The following FANCA variants were observed in gnomAD, a reference collection of about 807,000 sequenced individuals.
The protein encoded by FANCA is FA complementation group A, also known as Fanconi anemia group A protein.
A neutral mutation model predicts 194.3 loss-of-function variants in FANCA; 236 were observed. The ratio of observed to expected loss-of-function variants is 1.21; its 90% CI spans 1.09 to 1.35. The LOEUF is 1.35. Among genes scored for constraint, FANCA ranks in the 40% most tolerant of loss-of-function variants. The pLI is 0.00. For missense variants in FANCA, 2,628 were observed against 1,813.9 expected, an observed-to-expected ratio of 1.45 and a Z score of -8.15; for synonymous variants, 1,014 against 715.8, an observed-to-expected ratio of 1.42 and a Z score of -6.65.
chr16:89,746,806 G>A (rs1291808691), intron 34 of FANCA, 25 bp downstream of exon 34: 20 of 1,571,174 alleles, frequency 1.3e-5, no homozygotes, highest in African/African-American at 4.1e-5. Flanking sequence ...AGAAGGCCAC[G>A]AGAGGGGCTG....
chr16:89,791,348 T>G, intron 14 of FANCA, 55 bp downstream of exon 14: 6 of 1,600,986 alleles, frequency 3.7e-6, no homozygotes, highest in Non-Finnish European at 5.1e-6. Context: ...TGGTCCCCAC[T>G]CCCAGGCCTT....
At chr16:89,774,942 A>T (rs1002424278) in intron 21 of FANCA, among the ~76,000 whole-genome samples, 1 of 151,672 alleles carries the variant, frequency 6.6e-6, no homozygotes, top group Non-Finnish European at 1.5e-5. Context: ...AAAAATACAA[A>T]AACTAGCAAG....
At chr16:89,741,426 T>G (rs960496577) in intron 37 of FANCA, among the ~76,000 whole-genome samples, 2 of 152,244 alleles carry the variant, frequency 1.3e-5, no homozygotes, top group Non-Finnish European at 2.9e-5. Context: ...CGATCCAGCT[T>G]TGAGCTGGTG....
chr16:89,766,265 G>A (rs1252162956), intron 27 of FANCA, among the ~76,000 whole-genome samples: 2 of 151,914 alleles, frequency 1.3e-5, no homozygotes, highest in Non-Finnish European at 2.9e-5. Flanking sequence ...AAAGTGTTGG[G>A]ATTACAGGCA....
At chr16:89,782,639 C>T (rs1481190021) in intron 17 of FANCA, among the ~76,000 whole-genome samples, 2 of 152,198 alleles carry the variant, frequency 1.3e-5, no homozygotes, top group African/African-American at 4.8e-5. Flanking sequence ...AGGCACTTCA[C>T]TCTGCCACAC....
At chr16:89,739,646 G>A in intron 39 of FANCA, 93 bp from the exon 40 acceptor site, 1 of 1,511,770 alleles carries the variant, frequency 6.6e-7, no homozygotes. Flanking sequence ...GTGTACCCTG[G>A]GAGGCCTGGC....
Position 89,815,937 on chromosome 16 carries a change from T to G in FANCA, c.129A>C (p.Leu43Phe). ...EKYNPERAQK[L>F]KESAVRLLRS... is the part of the protein sequence containing the mutation. ...GCAGGAGGCGCACAGCTGATTCCTTTAATTTCTGTGCCCTTTCAGGATTAT... is the reference window on the plus strand; with the variant it reads ...GCAGGAGGCGCACAGCTGATTCCTTGAATTTCTGTGCCCTTTCAGGATTAT... The change falls in exon 2 of 43, where the codon TTA becomes TTC. Residue 43 changes from leucine (L) to phenylalanine (F), a missense_variant. Physicochemically the swap from Leu to Phe is conservative, Grantham distance 22. Coordinates refer to ENST00000389301, the MANE Select transcript of FANCA (RefSeq NM_000135.4). The G allele has an allele frequency of 6.2e-7, 1 of 1,614,162 alleles. No individual in the cohort carries two copies. Among genetic ancestry groups the G allele is most frequent in the Non-Finnish European group, 8.5e-7 (1 of 1,179,984 alleles).
In FANCA at chr16:89,742,925, C is replaced by T; in HGVS notation, c.3640G>A (p.Glu1214Lys). ...GGGTTGGGTGCTGGGGAGGCAGCCT[C>T]AGGGGAGAGGAAACTGGGACAGAGA... is the stretch of plus-strand genomic sequence containing the variant. ...RQFASDFLSP[E>K]AASPAPNPDW... The change falls in exon 37 of 43, where the codon GAG becomes AAG. Residue 1214 changes from glutamate to lysine, a missense_variant. Transcript: ENST00000389301. 6.2e-7 allele frequency: 1 copy of T among 1,614,034 alleles called. No individual in the cohort carries two copies. The highest frequency in any genetic ancestry group is 8.5e-7 in the Non-Finnish European group (1 of 1,179,964).
intron 6 of FANCA, among the ~76,000 whole-genome samples, 162 bp downstream of exon 6, chr16:89,808,132 C>T (rs771413025): frequency 3.9e-5 from 6 of 152,118 alleles, no homozygotes; most frequent in Non-Finnish European, 8.8e-5. Flanking sequence ...AGCAATAGTT[C>T]CTCCAGGTCT....
chr16:89,797,023 G>A (rs1162013803), intron 10 of FANCA, among the ~76,000 whole-genome samples: 4 of 152,168 alleles, frequency 2.6e-5, no homozygotes. Flanking sequence ...AGCCGGGCAT[G>A]GTGGTGGGCA....
At chr16:89,790,071 A>C (rs2040017634) in intron 14 of FANCA, among the ~76,000 whole-genome samples, 1 of 152,220 alleles carries the variant, frequency 6.6e-6, no homozygotes, top group South Asian at 2.1e-4. Flanking sequence ...GATACGGCTG[A>C]AGAAATGAAG....
intron 15 of FANCA, among the ~76,000 whole-genome samples, chr16:89,784,322 G>C (rs1433293552): frequency 7.0e-6 from 1 of 143,008 alleles, no homozygotes; most frequent in Non-Finnish European, 1.5e-5. Flanking sequence ...AGTGAGCTAT[G>C]ATGGCAACAC....
At chr16:89,757,432 T>A (rs1449037206) in intron 30 of FANCA, among the ~76,000 whole-genome samples, 1 of 152,196 alleles carries the variant, frequency 6.6e-6, no homozygotes, top group African/African-American at 2.4e-5. Context: ...TATGCTGATA[T>A]GTGCTACAAC....
At chr16:89,800,634 G>C (rs1275366143) in intron 8 of FANCA, among the ~76,000 whole-genome samples, 1 of 152,168 alleles carries the variant, frequency 6.6e-6, no homozygotes, top group Non-Finnish European at 1.5e-5. Flanking sequence ...ATAGAATATA[G>C]AAATCACACT....
rs2040110155 is a variant in FANCA at position 89,792,523 on chromosome 16, C to T, written c.1031G>A (p.Arg344Lys). 1.2e-6 allele frequency: 2 copies of T among 1,613,438 alleles called. No individual in the cohort carries two copies. The highest frequency in any genetic ancestry group is 1.1e-5 in the South Asian group (1 of 91,032). Residue 344 changes from arginine (R) to lysine (K), a missense_variant, in exon 12 of 43, where the codon AGA becomes AAA. Coordinates refer to ENST00000389301, the MANE Select transcript of FANCA (RefSeq NM_000135.4). ...GTGTGTCCGCGCAAAGCTCCACTCT[C>T]TCTGCATCTGAACAGCATCAGATGC... The part of the protein sequence containing the change: ...LKASDAVQMQ[R>K]EWSFARTHPL...
chr16:89,772,843 T>G (rs895361040), intron 22 of FANCA, among the ~76,000 whole-genome samples: 2 of 150,494 alleles, frequency 1.3e-5, no homozygotes, highest in African/African-American at 4.9e-5. Flanking sequence ...AAAAAGAAAC[T>G]GCATGTTCTC....
Position 89,770,177 on chromosome 16 carries a change from G to T in FANCA, c.2305C>A (p.Leu769Ile), listed in dbSNP as rs917707717. The T allele has an allele frequency of 6.3e-7, 1 of 1,590,972 alleles. No homozygotes were observed. The highest frequency in any genetic ancestry group is 8.6e-7 in the Non-Finnish European group (1 of 1,169,248). ...AAGGAGAGCCTCACCTGGTGACGGA[G>T]CAGCTGGCAGAGCCGGGTGAGCACT... is the stretch of plus-strand genomic sequence containing the variant. ...PAVLTRLCQL[L>I]RHQGPSLSAP... The change falls in exon 25 of 43, where the codon CTC becomes ATC. Residue 769 changes from leucine to isoleucine, a missense_variant. Physicochemically the swap from Leu to Ile is conservative, Grantham distance 5. Transcript: ENST00000389301.
At chr16:89,798,914 C>G in intron 10 of FANCA, 1 of 1,598,666 alleles carries the variant, frequency 6.3e-7, no homozygotes, top group Non-Finnish European at 8.5e-7. Context: ...TGGTGCAGGA[C>G]TTCCAGAGGC....
chr16:89,748,466 G>C (rs766716490), intron 33 of FANCA, among the ~76,000 whole-genome samples, 193 bp downstream of exon 33: 2 of 152,240 alleles, frequency 1.3e-5, no homozygotes, highest in Non-Finnish European at 2.9e-5. Context: ...CTGGTTTGGT[G>C]ATGTGCTGGT....
Sources: allele counts gnomAD v4.1 joint callset (sites outside exome capture counted in the v4.1 genomes callset), GRCh38; gene constraint gnomAD v4.1.1; transcripts MANE v1.5; gene names NCBI Gene and HGNC (gene_info 2026-07-23, HGNC 2026-07-21).